STX18: variants seen among roughly 807,000 people sequenced by gnomAD.
STX18 encodes syntaxin 18.
Under a neutral mutation model 50.1 loss-of-function variants are expected in STX18, and 40 were observed. The ratio of observed to expected loss-of-function variants is 0.80; its 90% CI spans 0.62 to 1.04. The LOEUF (loss-of-function observed/expected upper bound fraction) is 1.04. Ranked by LOEUF, STX18 falls within the 50% of genes least tolerant of loss-of-function variation. The pLI is 0.00. For missense variants in STX18, 410 were observed against 415.8 expected (o/e 0.99, Z 0.12); for synonymous variants, 158 against 151.8 (o/e 1.04, Z -0.30).
At chr4:4,432,475 C>A (rs1725566501) in intron 7 of STX18, among the ~76,000 whole-genome samples, 2 of 152,346 alleles carry the variant, frequency 1.3e-5, no homozygotes, top group South Asian at 4.1e-4. Flanking sequence ...TACAACCTGC[C>A]ACTCTCAAGG....
chr4:4,515,633 CAA>C (rs752478091), intron 1 of STX18, among the ~76,000 whole-genome samples: 1 of 152,106 alleles, frequency 6.6e-6, no homozygotes, highest in Non-Finnish European at 1.5e-5. Flanking sequence ...AGACATCTGA[CAA>C]AAGAGAGACA....
At chr4:4,507,131 G>A (rs1175553466) in intron 1 of STX18, 1 of 557,166 alleles carries the variant, frequency 1.8e-6, no homozygotes, top group Non-Finnish European at 3.5e-6. Context: ...GAAGCCAGGT[G>A]AGTTCCAAAG....
chr4:4,484,108 C>T (rs889291184), intron 1 of STX18, among the ~76,000 whole-genome samples: 4 of 152,076 alleles, frequency 2.6e-5, no homozygotes, highest in African/African-American at 9.7e-5. Context: ...GTGATCCGCC[C>T]GCCTTGGCCT....
intron 1 of STX18, among the ~76,000 whole-genome samples, chr4:4,484,670 A>G (rs1306878432): frequency 6.6e-6 from 1 of 152,172 alleles, no homozygotes; most frequent in South Asian, 2.1e-4. Flanking sequence ...TCCTCCACAA[A>G]AACATCACGG....
chr4:4,435,758 G>C (rs1725743402), intron 6 of STX18, among the ~76,000 whole-genome samples: 1 of 152,138 alleles, frequency 6.6e-6, no homozygotes, highest in Non-Finnish European at 1.5e-5. Context: ...AGGGAGCGTA[G>C]GAACATTTTA....
chr4:4,437,275 C>G (rs1269575385), intron 6 of STX18, among the ~76,000 whole-genome samples: 1 of 152,122 alleles, frequency 6.6e-6, no homozygotes, highest in Non-Finnish European at 1.5e-5. Flanking sequence ...TTCTTAGTGC[C>G]ACCTCCTCTT....
chr4:4,467,816 G>T (rs561699659), intron 2 of STX18, among the ~76,000 whole-genome samples: 37 of 152,266 alleles, frequency 2.4e-4, no homozygotes, highest in African/African-American at 8.7e-4. Context: ...ACAAAGAAAA[G>T]AAAAGGGCCT....
chr4:4,529,260 G>T (rs1288921503), intron 1 of STX18, among the ~76,000 whole-genome samples: 2 of 152,212 alleles, frequency 1.3e-5, no homozygotes, highest in Non-Finnish European at 2.9e-5. Context: ...TGCTCAGGAG[G>T]CTGAGGCACG....
intron 1 of STX18, among the ~76,000 whole-genome samples, chr4:4,532,433 T>A (rs1362350309): frequency 1.3e-5 from 2 of 151,168 alleles, no homozygotes; most frequent in Non-Finnish European, 2.9e-5. Flanking sequence ...ACACCAAAAA[T>A]GCTAACTTTG....
intron 7 of STX18, among the ~76,000 whole-genome samples, chr4:4,431,749 C>T (rs1725529043): frequency 6.6e-6 from 1 of 152,302 alleles, no homozygotes; most frequent in East Asian, 1.9e-4. Flanking sequence ...TCCTGATGAC[C>T]CACGTCAGAA....
At chr4:4,432,927 G>A (rs985863194) in intron 7 of STX18, among the ~76,000 whole-genome samples, 2 of 152,226 alleles carry the variant, frequency 1.3e-5, no homozygotes, top group South Asian at 4.1e-4. Context: ...GCACAACTAT[G>A]CTTACAATGA....
At chr4:4,492,195 T>A (rs1337434367) in intron 1 of STX18, among the ~76,000 whole-genome samples, 2 of 152,106 alleles carry the variant, frequency 1.3e-5, no homozygotes, top group Non-Finnish European at 2.9e-5. Context: ...TAGAAATTAA[T>A]CTTAAGCTTT....
At chr4:4,526,557 A>G (rs1292597513) in intron 1 of STX18, among the ~76,000 whole-genome samples, 1 of 152,230 alleles carries the variant, frequency 6.6e-6, no homozygotes, top group Non-Finnish European at 1.5e-5. Flanking sequence ...CAATCCTCCC[A>G]ATATACGACT....
intron 1 of STX18, among the ~76,000 whole-genome samples, chr4:4,482,454 T>C (rs1270210808): frequency 6.6e-6 from 1 of 152,158 alleles, no homozygotes; most frequent in Non-Finnish European, 1.5e-5. Flanking sequence ...AAAGAGAAAG[T>C]CTTCATCCTT....
At chr4:4,422,859 C>G (rs528596692) in intron 9 of STX18, among the ~76,000 whole-genome samples, 1 of 152,302 alleles carries the variant, frequency 6.6e-6, no homozygotes, top group East Asian at 1.9e-4. Flanking sequence ...GTTTAAAATA[C>G]TGGAGAAAAT....
intron 1 of STX18, among the ~76,000 whole-genome samples, chr4:4,496,612 A>G (rs1034709772): frequency 6.6e-6 from 1 of 152,122 alleles, no homozygotes; most frequent in Admixed American, 6.5e-5. Flanking sequence ...GAGGCCTAAC[A>G]TATTTGTGCT....
chr4:4,421,104 T>C (rs1322100087), intron 9 of STX18, among the ~76,000 whole-genome samples, 160 bp from the exon 10 acceptor site: 1 of 152,172 alleles, frequency 6.6e-6, no homozygotes, highest in East Asian at 1.9e-4. Context: ...TAGGGATGCT[T>C]GACATATACA....
chr4:4,462,965 T>C (rs1002249300), intron 2 of STX18, among the ~76,000 whole-genome samples: 8 of 152,240 alleles, frequency 5.3e-5, no homozygotes, highest in Admixed American at 3.3e-4. Context: ...AGGAGCCTCC[T>C]TTTGCTGTTT....
Position 4,420,141 on chromosome 4 carries a change from C to G in STX18, c.913-12G>C. 2 of 1,601,964 alleles carry G rather than the reference C, an allele frequency of 1.2e-6. No individual in the cohort carries two copies. Among genetic ancestry groups the G allele is most frequent in the South Asian group, 2.2e-5 (2 of 89,000 alleles). ...TTGTTTTTAATGGCCTGGGCAGGGA[C>G]GGGAGCACAGGTGTTTTTATCACAC... On this transcript the variant is annotated splice_polypyrimidine_tract_variant and intron_variant, in intron 10 of 10. Coordinates refer to ENST00000306200, the MANE Select transcript of STX18 (RefSeq NM_016930.4). The surrounding 1 kb of genome is among the most constrained non-coding windows in gnomAD (Gnocchi z 4.3).
Sources: gnomAD v4.1 joint callset for allele counts (sites outside exome capture counted in the v4.1 genomes callset) on GRCh38, gnomAD v4.1.1 for gene constraint, Gnocchi (gnomAD v3.1) non-coding constraint, MANE v1.5 for transcripts, NCBI Gene and HGNC (gene_info 2026-07-23, HGNC 2026-07-21) for gene names.